The following CCAR1 variants were observed in gnomAD, a reference collection of about 807,000 sequenced individuals.
CCAR1 encodes the protein cell division cycle and apoptosis regulator protein 1.
CCAR1 carries 78 observed loss-of-function variants against 163.8 expected under a neutral mutation model. The ratio of observed to expected loss-of-function variants is 0.48; its 90% CI spans 0.40 to 0.57. The LOEUF (loss-of-function observed/expected upper bound fraction) is 0.57, where lower values mean the gene tolerates loss of function less well. CCAR1 is among the 20% of genes least tolerant of loss of function. The probability of loss-of-function intolerance (pLI) is 0.00; values close to 1 mark genes in which losing one functional copy is unlikely to be tolerated. For missense variants in CCAR1, 1,019 were observed against 1,365.2 expected, an observed-to-expected ratio of 0.75 and a Z score of 4.00; for synonymous variants, 443 against 460.7, an observed-to-expected ratio of 0.96 and a Z score of 0.49.
chr10:68,789,131 G>A (rs955486830), intron 23 of CCAR1, among the ~76,000 whole-genome samples: 3 of 151,122 alleles, frequency 2.0e-5, no homozygotes, highest in South Asian at 2.1e-4. Context: ...GGATGGTCTC[G>A]ATCTCCTGAC....
intron 11 of CCAR1, 38 bp downstream of exon 11, chr10:68,754,115 A>G (rs962490343): frequency 2.9e-6 from 4 of 1,381,102 alleles, no homozygotes; most frequent in Non-Finnish European, 4.1e-6. Flanking sequence ...TAAATTTCTT[A>G]GCAGTTATTC....
At chr10:68,784,296 A>T (rs994587194) in intron 19 of CCAR1, among the ~76,000 whole-genome samples, 1 of 151,390 alleles carries the variant, frequency 6.6e-6, no homozygotes, top group African/African-American at 2.4e-5. Flanking sequence ...GCTCACTGCA[A>T]CCTCTGCCTC....
At chr10:68,741,842 C>T (rs920931308) in intron 5 of CCAR1, among the ~76,000 whole-genome samples, 6 of 152,182 alleles carry the variant, frequency 3.9e-5, no homozygotes, top group African/African-American at 1.2e-4. Context: ...AGTCTTGAAT[C>T]TCTTCCTTGT....
At chr10:68,744,304 G>A (rs1007037113) in intron 6 of CCAR1, among the ~76,000 whole-genome samples, 40 of 152,290 alleles carry the variant, frequency 2.6e-4, no homozygotes, top group African/African-American at 4.1e-4. Context: ...TTTGTTTGAC[G>A]TGTCTAATGA....
In CCAR1 at chr10:68,791,579, TTC is replaced by T. The variant is rs1281517540; in HGVS notation, c.*315_*316del. 14 of 173,050 alleles carry T rather than the reference TTC, an allele frequency of 8.1e-5. No homozygotes were observed. The highest frequency in any genetic ancestry group is 1.5e-4 in the Non-Finnish European group (12 of 81,490). The allele number at this position is 173,050 out of a possible 1,614,324, so 10.7% of individuals were successfully genotyped here. On this transcript the variant is annotated 3_prime_UTR_variant, in exon 25 of 25. Coordinates refer to ENST00000265872, the MANE Select transcript of CCAR1 (RefSeq NM_018237.4). ...TGACTGTAGTATTTAATTACCAAAT[TTC>T]TTTTATTAAAATGCCTAGAAATTTT... is the stretch of plus-strand genomic sequence containing the variant.
intron 19 of CCAR1, among the ~76,000 whole-genome samples, chr10:68,781,812 C>A (rs572500496): frequency 6.7e-6 from 1 of 149,610 alleles, no homozygotes; most frequent in Non-Finnish European, 1.5e-5. Context: ...GATTGTGCCA[C>A]TGTACTCCAG....
chr10:68,722,841 G>T (rs2055878962), intron 2 of CCAR1, among the ~76,000 whole-genome samples: 1 of 152,002 alleles, frequency 6.6e-6, no homozygotes. Context: ...AGAATCCCTT[G>T]AACCCGGGAG....
At chr10:68,775,097 C>CACTGTGTT (rs2056647949) in intron 19 of CCAR1, 1 of 203,390 alleles carries the variant, frequency 4.9e-6, no homozygotes, top group Admixed American at 5.8e-5. Context: ...ACCTGTGTAT[C>CACTGTGTT]CATCAACTTT....
chr10:68,737,095 AATCTG>A (rs759599358), intron 3 of CCAR1, 47 bp downstream of exon 3: 1 of 1,351,686 alleles, frequency 7.4e-7, no homozygotes, highest in African/African-American at 1.4e-5. Flanking sequence ...AACTTTATGA[AATCTG>A]AGTAGCTAGC....
chr10:68,748,554 T>C (rs1177471459), intron 8 of CCAR1, among the ~76,000 whole-genome samples: 1 of 148,126 alleles, frequency 6.8e-6, no homozygotes, highest in Non-Finnish European at 1.5e-5. Context: ...AGTGGTGTAA[T>C]CTTGGCTCAC....
intron 12 of CCAR1, 134 bp downstream of exon 12, chr10:68,754,961 A>C: frequency 1.6e-6 from 1 of 608,572 alleles, no homozygotes. Flanking sequence ...GGCACCCAGA[A>C]TTTAATGATG....
chr10:68,743,082 G>A lies in CCAR1; in HGVS notation c.518+513G>A, dbSNP rs144750011. Among the ~76,000 whole-genome samples the A allele has an allele frequency of 4.2e-3, 645 of 152,062 alleles. 1 individual carries two copies. The highest frequency in any genetic ancestry group is 0.015 in the African/African-American group (620 of 41,478). On this transcript the variant is annotated intron_variant, in intron 6 of 24. Coordinates refer to ENST00000265872, the MANE Select transcript of CCAR1 (RefSeq NM_018237.4). ...CGAGTAGCTGGGACAACAGGCATGC[G>A]CCAGCACGCCTGGCTCATTTTTGTA...
Position 68,784,955 on chromosome 10 carries a change from T to A in CCAR1, c.2651-1181T>A, listed in dbSNP as rs563903867. Among the ~76,000 whole-genome samples, 141 of 147,576 alleles carry A rather than the reference T, an allele frequency of 9.6e-4. No homozygotes were observed. The Middle Eastern group carries it at 0.01, about 11-fold the overall frequency. ...TTTTTTGAGATGGAGTCTCGCTCTG[T>A]CACCCCGGCTGGAGTGCAGTGTCAC... On this transcript the variant is annotated intron_variant, in intron 19 of 24. Coordinates refer to ENST00000265872, the MANE Select transcript of CCAR1 (RefSeq NM_018237.4).
intron 10 of CCAR1, among the ~76,000 whole-genome samples, chr10:68,752,587 T>C (rs1053546553): frequency 1.3e-5 from 2 of 152,162 alleles, no homozygotes. Flanking sequence ...AGTATAATTA[T>C]AGGCCTGGCA....
chr10:68,750,625 A>G (rs1296318295), intron 10 of CCAR1, among the ~76,000 whole-genome samples: 1 of 152,172 alleles, frequency 6.6e-6, no homozygotes, highest in Admixed American at 6.6e-5. Flanking sequence ...GACTTAACCC[A>G]GTGTGTGGCA....
intron 6 of CCAR1, among the ~76,000 whole-genome samples, chr10:68,745,702 G>A (rs1161467135): frequency 2.0e-5 from 3 of 151,802 alleles, no homozygotes; most frequent in Non-Finnish European, 4.4e-5. Flanking sequence ...GACCTCAGGT[G>A]ATCCACCTGC....
intron 13 of CCAR1, among the ~76,000 whole-genome samples, chr10:68,755,956 TG>T (rs2056393233): frequency 6.6e-6 from 1 of 152,218 alleles, no homozygotes; most frequent in South Asian, 2.1e-4. Context: ...GTATCTCTTG[TG>T]ACTTAATTTG....
rs1248291395 is a variant in CCAR1, at chr10:68,771,320, A to C, written c.2413A>C (p.Lys805Gln). 1 of 1,610,044 alleles carries C rather than the reference A, an allele frequency of 6.2e-7. No homozygotes were observed. The highest frequency in any genetic ancestry group is 8.5e-7 in the Non-Finnish European group (1 of 1,177,764). ...AGAGGACAAAAAAGAAAAGGATAAA[A>C]AAAGCAAAAAAGATGAGAGAAAAGA... is the stretch of plus-strand genomic sequence containing the variant. ...EKEDKKEKDKKSKKDERKDKK... is the reference protein window; with the variant it reads ...EKEDKKEKDKQSKKDERKDKK... The change falls in exon 18 of 25, where the codon AAA becomes CAA. Residue 805 changes from lysine to glutamine, a missense_variant. Lys to Gln is a moderately conservative substitution (Grantham distance 53). Coordinates refer to ENST00000265872, the MANE Select transcript of CCAR1 (RefSeq NM_018237.4).
chr10:68,724,160 G>GAA (rs35445759), intron 2 of CCAR1, among the ~76,000 whole-genome samples: 6 of 147,030 alleles, frequency 4.1e-5, no homozygotes, highest in African/African-American at 1.5e-4. Context: ...CTCTGTCTCA[G>GAA]AAAAAAAAAA....
Sources: gnomAD v4.1 joint callset for allele counts (sites outside exome capture counted in the v4.1 genomes callset) on GRCh38, gnomAD v4.1.1 for gene constraint, MANE v1.5 for transcripts, NCBI Gene and HGNC (gene_info 2026-07-23, HGNC 2026-07-21) for gene names.